RORB: variants seen among roughly 807,000 people sequenced by gnomAD.
RORB encodes nuclear receptor ROR-beta.
Under a neutral mutation model 59.1 loss-of-function variants are expected in RORB, and 6 were observed. The observed-to-expected ratio is 0.10, with a 90% confidence interval of 0.06 to 0.20. The LOEUF (loss-of-function observed/expected upper bound fraction) is 0.20, where lower values mean the gene tolerates loss of function less well. Among genes scored for constraint, RORB ranks in the 10% least tolerant of loss-of-function variants. The pLI is 1.00. For synonymous variants in RORB, 215 were observed against 204.5 expected, an observed-to-expected ratio of 1.05 and a Z score of -0.44; for missense variants, 320 against 560.5, an observed-to-expected ratio of 0.57 and a Z score of 4.33.
chr9:74,574,942 G>T (rs902136934), intron 1 of RORB, among the ~76,000 whole-genome samples: 1 of 152,040 alleles, frequency 6.6e-6, no homozygotes, highest in African/African-American at 2.4e-5. Flanking sequence ...AGCGTATATG[G>T]GACTGAAACT....
intron 1 of RORB, among the ~76,000 whole-genome samples, chr9:74,517,059 A>T (rs1310510577): frequency 1.3e-5 from 2 of 151,954 alleles, no homozygotes; most frequent in Non-Finnish European, 1.5e-5. Context: ...ACTTTTCAAG[A>T]TTCTTCCAAG....
At chr9:74,511,153 A>G (rs938755993) in intron 1 of RORB, among the ~76,000 whole-genome samples, 3 of 152,150 alleles carry the variant, frequency 2.0e-5, no homozygotes, top group Non-Finnish European at 2.9e-5. Flanking sequence ...TTCACTGTGT[A>G]TACTATTATA....
intron 1 of RORB, among the ~76,000 whole-genome samples, chr9:74,535,722 C>G (rs1587347871): frequency 6.6e-6 from 1 of 151,816 alleles, no homozygotes; most frequent in East Asian, 1.9e-4. Context: ...ACAATACTTC[C>G]CATGAGCTAT....
intron 1 of RORB, among the ~76,000 whole-genome samples, chr9:74,586,876 TCTC>T (rs1822808970): frequency 6.6e-6 from 1 of 152,156 alleles, no homozygotes; most frequent in African/African-American, 2.4e-5. Context: ...AATGTAGCCT[TCTC>T]CTGTCCATGT....
intron 1 of RORB, among the ~76,000 whole-genome samples, chr9:74,544,834 A>G (rs1826464033): frequency 1.3e-5 from 2 of 152,222 alleles, no homozygotes; most frequent in Admixed American, 6.5e-5. Context: ...TGTCACAGTC[A>G]GGTTCCCATC....
chr9:74,629,022 T>A (rs1823570664), intron 1 of RORB, among the ~76,000 whole-genome samples: 1 of 152,122 alleles, frequency 6.6e-6, no homozygotes, highest in Non-Finnish European at 1.5e-5. Flanking sequence ...CCCATTTCTG[T>A]CCAACTTACT....
At chr9:74,557,248 G>A (rs1319419398) in intron 1 of RORB, among the ~76,000 whole-genome samples, 19 of 152,110 alleles carry the variant, frequency 1.2e-4, no homozygotes, top group Admixed American at 1.2e-3. Context: ...ATCGTTGTTG[G>A]CTCAAATAAA....
chr9:74,593,322 C>T lies in RORB; in HGVS notation c.8-36960C>T, dbSNP rs373683409. 6.2e-3 allele frequency among the ~76,000 whole-genome samples: 936 copies of T among 151,988 alleles called. 14 individuals are homozygous for T. The highest frequency in any genetic ancestry group is 0.022 in the African/African-American group (898 of 41,462). On this transcript the variant is annotated intron_variant, in intron 1 of 9. Coordinates refer to ENST00000376896, the MANE Select transcript of RORB (RefSeq NM_006914.4). ...TCTCTACTAAAAATACAAAATTAGC[C>T]AGGCACAGTGGTGTACGCCTATAAT...
chr9:74,630,886 G>T (rs1380281023), intron 2 of RORB, among the ~76,000 whole-genome samples: 1 of 151,250 alleles, frequency 6.6e-6, no homozygotes, highest in Non-Finnish European at 1.5e-5. Flanking sequence ...AAGCCGAAAA[G>T]ATTAACTCTA....
At chr9:74,619,571 C>T (rs1227659056) in intron 1 of RORB, among the ~76,000 whole-genome samples, 1 of 152,070 alleles carries the variant, frequency 6.6e-6, no homozygotes, top group Non-Finnish European at 1.5e-5. Context: ...CCTGCCTCAG[C>T]CTCCTGAGTA....
Position 74,579,171 on chromosome 9 carries a change from T to C in RORB, c.8-51111T>C, listed in dbSNP as rs191310447. On this transcript the variant is annotated intron_variant, in intron 1 of 9. Transcript: ENST00000376896. ...TATATTTAGTAAATAATATTTAGTCTTATAAGAAGCATCCCATTTCATAGG... is the reference window on the plus strand; with the variant it reads ...TATATTTAGTAAATAATATTTAGTCCTATAAGAAGCATCCCATTTCATAGG... Among the ~76,000 whole-genome samples, 592 of 152,230 alleles carry C rather than the reference T, an allele frequency of 3.9e-3. 1 individual carries two copies. The highest frequency in any genetic ancestry group is 0.013 in the African/African-American group (552 of 41,542).
At chr9:74,595,939 G>A (rs2118303819) in intron 1 of RORB, among the ~76,000 whole-genome samples, 1 of 152,212 alleles carries the variant, frequency 6.6e-6, no homozygotes, top group South Asian at 2.1e-4. Flanking sequence ...ATTTCTGCAG[G>A]AGCTACATCT....
intron 1 of RORB, among the ~76,000 whole-genome samples, chr9:74,614,537 C>T (rs1188427088): frequency 1.3e-5 from 2 of 151,626 alleles, no homozygotes; most frequent in Non-Finnish European, 1.5e-5. Flanking sequence ...TTACTATGTA[C>T]AATACATGTG....
intron 1 of RORB, among the ~76,000 whole-genome samples, chr9:74,511,364 G>C (rs1324969583): frequency 6.6e-6 from 1 of 152,018 alleles, no homozygotes; most frequent in Non-Finnish European, 1.5e-5. Context: ...CCATAAAAGA[G>C]CAATTGAAGA....
chr9:74,623,578 T>A (rs187331262), intron 1 of RORB, among the ~76,000 whole-genome samples: 24 of 152,282 alleles, frequency 1.6e-4, no homozygotes, highest in African/African-American at 5.8e-4. Flanking sequence ...GTTCTTACAG[T>A]TGCTAAAACT....
chr9:74,560,096 T>C (rs1822371716), intron 1 of RORB, among the ~76,000 whole-genome samples: 1 of 152,194 alleles, frequency 6.6e-6, no homozygotes, highest in Non-Finnish European at 1.5e-5. Context: ...ATTTGTTTCC[T>C]CTACGGTTTA....
chr9:74,567,730 C>T (rs559960051), intron 1 of RORB, among the ~76,000 whole-genome samples: 7 of 152,306 alleles, frequency 4.6e-5, no homozygotes, highest in Admixed American at 2.6e-4. Context: ...AATGGTACCA[C>T]TTATGAAAGA....
rs374221610 is a variant in RORB, at chr9:74,642,405, C to T, written c.236-9C>T. On this transcript the variant is annotated splice_polypyrimidine_tract_variant and intron_variant, in intron 3 of 9. Coordinates refer to ENST00000376896, the MANE Select transcript of RORB (RefSeq NM_006914.4). ...CAAGTGCTGTTTTCTGCTTTTCTCTCCAACCCAGCTGTGAAGTTTGGGAGG... is the reference window on the plus strand; with the variant it reads ...CAAGTGCTGTTTTCTGCTTTTCTCTTCAACCCAGCTGTGAAGTTTGGGAGG... The T allele has an allele frequency of 6.3e-7, 1 of 1,598,278 alleles. No individual in the cohort carries two copies. The highest frequency in any genetic ancestry group is 8.5e-7 in the Non-Finnish European group (1 of 1,171,528).
chr9:74,535,532 A>C (rs1283331699), intron 1 of RORB, among the ~76,000 whole-genome samples: 2 of 151,946 alleles, frequency 1.3e-5, no homozygotes, highest in African/African-American at 4.8e-5. Flanking sequence ...TAGTAAAATC[A>C]ATACCGCCCC....
Sources: allele counts gnomAD v4.1 joint callset (sites outside exome capture counted in the v4.1 genomes callset), GRCh38; gene constraint gnomAD v4.1.1; transcripts MANE v1.5; gene names NCBI Gene and HGNC (gene_info 2026-07-23, HGNC 2026-07-21).